The following NXPE2 variants were observed in gnomAD, a reference collection of about 807,000 sequenced individuals.
NXPE2 encodes the protein NXPE family member 2.
A neutral mutation model predicts 34.4 loss-of-function variants in NXPE2; 34 were observed. That is an observed-to-expected ratio of 0.99 (90% CI 0.75 to 1.31). The LOEUF is 1.31. Ranked by LOEUF, NXPE2 falls within the 40% of genes most tolerant of loss-of-function variation. The pLI is 0.00. For synonymous variants in NXPE2, 235 were observed against 231.3 expected (o/e 1.02, Z -0.15); for missense variants, 649 against 672.5 (o/e 0.97, Z 0.39).
chr11:114,552,384 G>C, the NXPE2 span, among the ~76,000 whole-genome samples: 1 of 152,080 alleles, frequency 6.6e-6, no homozygotes, highest in African/African-American at 2.4e-5. Flanking sequence ...ATTTCCAAAA[G>C]ACTGTCAATT....
At chr11:114,469,109 C>CTTTTTTTTTTTTTTTTTT in the NXPE2 span, among the ~76,000 whole-genome samples, 5 of 88,864 alleles carry the variant, frequency 5.6e-5, 1 homozygote, top group Non-Finnish European at 8.1e-5. Context: ...ACAGTGCTAG[C>CTTTTTTTTTTTTTTTTTT]TTTTTTTTTT....
chr11:114,760,065 C>G, the NXPE2 span, among the ~76,000 whole-genome samples: 8 of 151,948 alleles, frequency 5.3e-5, no homozygotes, highest in Admixed American at 5.2e-4. Flanking sequence ...CCTTTTTTCT[C>G]TGCACTCATT....
chr11:114,663,637 C>CT, the NXPE2 span, among the ~76,000 whole-genome samples: 19,724 of 138,700 alleles, frequency 0.14, 1,602 homozygotes, highest in South Asian at 0.17. Context: ...ATCTATCTAT[C>CT]ATCTATCCAT....
At chr11:114,638,763 T>C in the NXPE2 span, among the ~76,000 whole-genome samples, 422 of 152,042 alleles carry the variant, frequency 2.8e-3, 1 homozygote, top group Middle Eastern at 6.8e-3. Context: ...ACAGCAGCAG[T>C]GTCTGCAGAA....
intron 2 of NXPE2, 94 bp from the exon 3 acceptor site, chr11:114,697,951 A>G: frequency 1.7e-6 from 2 of 1,172,192 alleles, no homozygotes; most frequent in South Asian, 4.2e-5. Flanking sequence ...AATTTATCAC[A>G]CTGAAAGATG....
chr11:114,679,841 A>G, intron 2 of NXPE2, 79 bp downstream of exon 2: 1 of 804,942 alleles, frequency 1.2e-6, no homozygotes, highest in Non-Finnish European at 2.0e-6. Context: ...CATGGCAAGA[A>G]ATAAAAGTTA....
At chr11:114,490,372 A>G in the NXPE2 span, among the ~76,000 whole-genome samples, 1 of 152,208 alleles carries the variant, frequency 6.6e-6, no homozygotes, top group Non-Finnish European at 1.5e-5. Flanking sequence ...ATATGGAACC[A>G]AAAAAGAGCT....
chr11:114,491,168 C>CAAAAAAAAAAAAA, the NXPE2 span, among the ~76,000 whole-genome samples: 73 of 53,514 alleles, frequency 1.4e-3, 5 homozygotes, highest in African/African-American at 4.5e-3. Context: ...GACTCCGTCT[C>CAAAAAAAAAAAAA]AAAAAAAAAA....
the NXPE2 span, among the ~76,000 whole-genome samples, chr11:114,474,538 G>A: frequency 2.6e-5 from 4 of 152,300 alleles, no homozygotes; most frequent in South Asian, 8.3e-4. Context: ...AAGACTTACA[G>A]TTATCATTGG....
the NXPE2 span, among the ~76,000 whole-genome samples, chr11:114,804,946 G>A: frequency 6.6e-6 from 1 of 152,170 alleles, no homozygotes; most frequent in Admixed American, 6.5e-5. Flanking sequence ...ATTTGAAAAT[G>A]TAATTTCCCT....
chr11:114,678,707 G>T, intron 1 of NXPE2, 106 bp downstream of exon 1: 1 of 797,526 alleles, frequency 1.3e-6, no homozygotes, highest in Non-Finnish European at 2.0e-6. Flanking sequence ...CCCTTTAGAG[G>T]ATAGTAAAAT....
At chr11:114,522,504 CT>C in the NXPE2 span, 1 of 1,575,696 alleles carries the variant, frequency 6.3e-7, no homozygotes, top group Non-Finnish European at 8.6e-7. Context: ...AACTTCAGTG[CT>C]GATAAAAAAA....
At chr11:114,555,517 G>A in the NXPE2 span, among the ~76,000 whole-genome samples, 3 of 152,130 alleles carry the variant, frequency 2.0e-5, no homozygotes, top group South Asian at 2.1e-4. Flanking sequence ...GAGCCACCAC[G>A]CCCAGCCAAG....
the NXPE2 span, among the ~76,000 whole-genome samples, chr11:114,717,888 G>A: frequency 6.6e-6 from 1 of 152,188 alleles, no homozygotes; most frequent in Non-Finnish European, 1.5e-5. Context: ...TGAGGTCTGA[G>A]AGAGTTGGCT....
intron 2 of NXPE2, among the ~76,000 whole-genome samples, chr11:114,694,137 TG>T (rs1485944355): frequency 7.2e-5 from 11 of 152,242 alleles, no homozygotes; most frequent in African/African-American, 2.4e-4. Context: ...TTTCTGCCAC[TG>T]TCTTCTACTT....
At chr11:114,752,636 A>G in the NXPE2 span, among the ~76,000 whole-genome samples, 1 of 151,024 alleles carries the variant, frequency 6.6e-6, no homozygotes, top group Admixed American at 6.6e-5. Context: ...AGACTCACTG[A>G]TTGGGCATGA....
the NXPE2 span, among the ~76,000 whole-genome samples, chr11:114,471,899 C>A: frequency 2.6e-5 from 4 of 152,112 alleles, no homozygotes; most frequent in African/African-American, 9.7e-5. Flanking sequence ...GCAACCAACC[C>A]CCCTAAAATG....
chr11:114,589,131 G>C, the NXPE2 span, among the ~76,000 whole-genome samples: 2 of 152,100 alleles, frequency 1.3e-5, no homozygotes, highest in African/African-American at 4.8e-5. Context: ...AGGATATCCA[G>C]GAAGCAAGAA....
chr11:114,498,904 A>G, the NXPE2 span, among the ~76,000 whole-genome samples: 1 of 152,020 alleles, frequency 6.6e-6, no homozygotes, highest in Admixed American at 6.5e-5. Flanking sequence ...GTTTGAGAAA[A>G]TGAATTGGAA....
Sources: allele counts gnomAD v4.1 joint callset (sites outside exome capture counted in the v4.1 genomes callset), GRCh38; gene constraint gnomAD v4.1.1; transcripts MANE v1.5; gene names NCBI Gene and HGNC (gene_info 2026-07-23, HGNC 2026-07-21).